MYO1D: variants seen among roughly 807,000 people sequenced by gnomAD.
MYO1D encodes unconventional myosin-Id.
A neutral mutation model predicts 122.0 loss-of-function variants in MYO1D; 83 were observed. The ratio of observed to expected loss-of-function variants is 0.68; its 90% CI spans 0.57 to 0.82. The LOEUF is 0.82. MYO1D is among the 40% of genes least tolerant of loss of function. The pLI is 0.00. For missense variants in MYO1D, 1,157 were observed against 1,269.5 expected, an observed-to-expected ratio of 0.91 and a Z score of 1.35; for synonymous variants, 464 against 446.9, an observed-to-expected ratio of 1.04 and a Z score of -0.48.
chr17:32,607,032 C>T (rs930035311), intron 20 of MYO1D, among the ~76,000 whole-genome samples: 3 of 151,932 alleles, frequency 2.0e-5, no homozygotes, highest in Admixed American at 1.3e-4. Context: ...TGGTGGCAGG[C>T]GCCTGTAATC....
At chr17:32,767,176 C>A (rs1231982462) in intron 7 of MYO1D, among the ~76,000 whole-genome samples, 1 of 152,062 alleles carries the variant, frequency 6.6e-6, no homozygotes, top group African/African-American at 2.4e-5. Flanking sequence ...AACAAGTGGC[C>A]CAAAAGTGGT....
At chr17:32,643,443 A>G (rs937936137) in intron 19 of MYO1D, among the ~76,000 whole-genome samples, 2 of 152,184 alleles carry the variant, frequency 1.3e-5, no homozygotes, top group African/African-American at 2.4e-5. Context: ...CTCATAAAAT[A>G]AGTTAGGGAG....
chr17:32,703,761 T>G (rs2089275251), intron 16 of MYO1D, among the ~76,000 whole-genome samples: 1 of 152,254 alleles, frequency 6.6e-6, no homozygotes, highest in African/African-American at 2.4e-5. Context: ...ATCTTTGTTA[T>G]GCATTTGGTA....
chr17:32,750,085 G>A (rs1189769143), intron 11 of MYO1D, among the ~76,000 whole-genome samples: 3 of 152,202 alleles, frequency 2.0e-5, no homozygotes, highest in African/African-American at 7.2e-5. Context: ...TGTCTGCTAA[G>A]CTGAGACTCC....
At chr17:32,614,909 C>A (rs2087752204) in intron 20 of MYO1D, among the ~76,000 whole-genome samples, 1 of 152,172 alleles carries the variant, frequency 6.6e-6, no homozygotes, top group African/African-American at 2.4e-5. Flanking sequence ...CGGGGCCAGA[C>A]AAGTGAGTGT....
intron 1 of MYO1D, among the ~76,000 whole-genome samples, chr17:32,788,455 T>C (rs2090319362): frequency 1.3e-5 from 2 of 152,192 alleles, no homozygotes; most frequent in South Asian, 4.1e-4. Flanking sequence ...CTTGAGTTGA[T>C]TTTTGCATAA....
At chr17:32,738,504 C>T (rs1314336179) in intron 13 of MYO1D, 119 bp from the exon 14 acceptor site, 2 of 1,046,314 alleles carry the variant, frequency 1.9e-6, no homozygotes, top group African/African-American at 1.6e-5. Context: ...ATTCAACTCA[C>T]AAGGCCTAAT....
intron 16 of MYO1D, among the ~76,000 whole-genome samples, chr17:32,678,866 G>C (rs974100266): frequency 4.0e-5 from 6 of 151,030 alleles, no homozygotes; most frequent in Admixed American, 1.3e-4. Flanking sequence ...CTACTTTACA[G>C]TCCCACCAAC....
Position 32,605,223 on chromosome 17 carries a change from A to G in MYO1D, c.2728T>C (p.Ser910Pro). Residue 910 changes from serine to proline, a missense_variant, in exon 21 of 22, where the codon TCC (serine) becomes CCC (proline). By Grantham distance (74) the Ser-to-Pro change is moderately conservative. Coordinates refer to ENST00000318217, the MANE Select transcript of MYO1D (RefSeq NM_015194.3). ...ACTACAAGTTGGTCCTTTCCATTGG[A>G]GACACTCAGACCAGTCAACTGCAAA... The part of the protein sequence containing the change: ...PLYNLTGLSV[S>P]NGKDQLVVFH... 1 of 1,575,070 alleles carries G rather than the reference A, an allele frequency of 6.3e-7. No homozygotes were observed. Among genetic ancestry groups the G allele is most frequent in the Non-Finnish European group, 8.7e-7 (1 of 1,150,900 alleles).
At chr17:32,772,885 C>A (rs759979222) in intron 4 of MYO1D, 43 bp from the exon 5 acceptor site, 1 of 1,550,274 alleles carries the variant, frequency 6.5e-7, no homozygotes, top group Non-Finnish European at 8.9e-7. Context: ...AAAATGTGCC[C>A]CTAAAATAAA....
chr17:32,818,125 C>CAAAAAAAAAAAAAAAAAAAAA (rs58466009), intron 1 of MYO1D, among the ~76,000 whole-genome samples: 176 of 45,820 alleles, frequency 3.8e-3, no homozygotes, highest in Non-Finnish European at 5.2e-3. Flanking sequence ...GACTCCGTCT[C>CAAAAAAAAAAAAAAAAAAAAA]AAAAAAAAAA....
intron 20 of MYO1D, among the ~76,000 whole-genome samples, chr17:32,633,922 A>G (rs990603363): frequency 6.6e-6 from 1 of 151,992 alleles, no homozygotes; most frequent in African/African-American, 2.4e-5. Flanking sequence ...ATCACCTTCT[A>G]TGGACTATAT....
Position 32,653,934 on chromosome 17 carries a change from G to T in MYO1D, c.2504C>A (p.Pro835His), listed in dbSNP as rs1300106593. The change falls in exon 19 of 22, where the codon CCT becomes CAT. Residue 835 changes from proline to histidine, a missense_variant. Transcript: ENST00000318217. ...GNYLASKPDT[P>H]QTSGTFVPVA... ...AGGGACAAAAGTGCCTGAGGTCTGA[G>T]GTGTATCTGGCTTCTGAAAGAGAAA... 1 of 1,613,136 alleles carries T rather than the reference G, an allele frequency of 6.2e-7. No homozygotes were observed. Among genetic ancestry groups the T allele is most frequent in the African/African-American group, 1.3e-5 (1 of 75,010 alleles).
At chr17:32,791,363 CAAA>C (rs60741553) in intron 1 of MYO1D, among the ~76,000 whole-genome samples, 16 of 49,488 alleles carry the variant, frequency 3.2e-4, no homozygotes, top group South Asian at 2.1e-3. Flanking sequence ...GACTCCGTCT[CAAA>C]AAAAAAAAAA....
intron 1 of MYO1D, among the ~76,000 whole-genome samples, chr17:32,802,248 C>T (rs1305425947): frequency 2.0e-5 from 3 of 152,154 alleles, no homozygotes; most frequent in Non-Finnish European, 4.4e-5. Context: ...ATATATTTTG[C>T]TAATAAGCTT....
intron 1 of MYO1D, among the ~76,000 whole-genome samples, chr17:32,842,928 G>T (rs545443571): frequency 7.7e-6 from 1 of 129,318 alleles, no homozygotes; most frequent in African/African-American, 2.9e-5. Context: ...TCGCTCTGTA[G>T]CCCAGGCTGG....
In MYO1D at chr17:32,522,965, T is replaced by C. The variant is rs545977002; in HGVS notation, c.2865-28050A>G. On this transcript the variant is annotated intron_variant, in intron 21 of 21. Transcript: ENST00000318217. ...CCGAGTAGCTGGGACTACAGGTGCC[T>C]GCCACCATGCCCGGCTAGTTTTTTG... Among the ~76,000 whole-genome samples, 26 of 152,194 alleles carry C rather than the reference T, an allele frequency of 1.7e-4. 1 individual carries two copies. The highest frequency in any genetic ancestry group is 1.7e-3 in the South Asian group (8 of 4,828).
chr17:32,756,814 G>A (rs1404644929), intron 10 of MYO1D, among the ~76,000 whole-genome samples: 1 of 152,092 alleles, frequency 6.6e-6, no homozygotes, highest in African/African-American at 2.4e-5. Flanking sequence ...CAAGGTGAAT[G>A]AAGTTATAAA....
chr17:32,756,597 G>C (rs1033499107), intron 10 of MYO1D, among the ~76,000 whole-genome samples: 5 of 150,004 alleles, frequency 3.3e-5, no homozygotes, highest in Non-Finnish European at 4.4e-5. Flanking sequence ...AAAAGAACTT[G>C]CATTTTTAGT....
Sources: gnomAD v4.1 joint callset for allele counts (sites outside exome capture counted in the v4.1 genomes callset) on GRCh38, gnomAD v4.1.1 for gene constraint, MANE v1.5 for transcripts, NCBI Gene and HGNC (gene_info 2026-07-23, HGNC 2026-07-21) for gene names.